PTPN12: variants seen among roughly 807,000 people sequenced by gnomAD.
PTPN12 encodes tyrosine-protein phosphatase non-receptor type 12.
In PTPN12, 29 loss-of-function variants were observed where a neutral mutation model predicts 97.6. That is an observed-to-expected ratio of 0.30 (90% CI 0.22 to 0.41). The LOEUF is 0.41. Ranked by LOEUF, PTPN12 falls within the 10% of genes least tolerant of loss-of-function variation. The probability of loss-of-function intolerance (pLI) is 1.00; values close to 1 mark genes in which losing one functional copy is unlikely to be tolerated. For synonymous variants in PTPN12, 327 were observed against 300.4 expected (o/e 1.09, Z -0.91); for missense variants, 819 against 926.0 (o/e 0.88, Z 1.50).
At chr7:77,595,193 TTTC>T (rs1787986294) in intron 6 of PTPN12, among the ~76,000 whole-genome samples, 1 of 152,230 alleles carries the variant, frequency 6.6e-6, no homozygotes, top group African/African-American at 2.4e-5. Context: ...GAAGAAATAT[TTTC>T]TTTGATAATT....
At chr7:77,570,350 AAT>A (rs1211771623) in intron 1 of PTPN12, among the ~76,000 whole-genome samples, 3 of 152,246 alleles carry the variant, frequency 2.0e-5, no homozygotes, top group African/African-American at 7.2e-5. Context: ...GAATGCTTTT[AAT>A]ATGTCTTGAG....
At chr7:77,574,862 C>G (rs1787288954) in intron 2 of PTPN12, among the ~76,000 whole-genome samples, 1 of 151,740 alleles carries the variant, frequency 6.6e-6, no homozygotes. Flanking sequence ...GACAGAATCT[C>G]ACTCTTGTCG....
intron 7 of PTPN12, among the ~76,000 whole-genome samples, chr7:77,598,428 C>T (rs553466718): frequency 6.6e-6 from 1 of 151,950 alleles, no homozygotes; most frequent in Non-Finnish European, 1.5e-5. Context: ...CTCCTGTAAT[C>T]CCCAACACTT....
chr7:77,540,298 C>T (rs1393050438), intron 1 of PTPN12, among the ~76,000 whole-genome samples: 1 of 149,498 alleles, frequency 6.7e-6, no homozygotes, highest in Non-Finnish European at 1.5e-5. Flanking sequence ...AGTGCAGTGG[C>T]TCAATCTCGG....
intron 2 of PTPN12, among the ~76,000 whole-genome samples, chr7:77,571,905 A>G (rs1562720001): frequency 6.6e-6 from 1 of 152,098 alleles, no homozygotes; most frequent in Non-Finnish European, 1.5e-5. Context: ...TTTAACTCTG[A>G]AAGTATACTT....
At chr7:77,613,915 G>A (rs1788661643) in intron 11 of PTPN12, among the ~76,000 whole-genome samples, 1 of 151,892 alleles carries the variant, frequency 6.6e-6, no homozygotes, top group Non-Finnish European at 1.5e-5. Flanking sequence ...TGTTTGAGAC[G>A]AGGTCTTGCT....
intron 1 of PTPN12, among the ~76,000 whole-genome samples, chr7:77,554,187 A>G (rs1032671955): frequency 1.3e-5 from 2 of 151,858 alleles, no homozygotes; most frequent in Non-Finnish European, 2.9e-5. Flanking sequence ...AGGCTGTCAA[A>G]CTCCTGGCCT....
intron 16 of PTPN12, among the ~76,000 whole-genome samples, chr7:77,637,559 A>C (rs1226091155): frequency 6.6e-6 from 1 of 152,162 alleles, no homozygotes; most frequent in Admixed American, 6.6e-5. Flanking sequence ...ATAAAACTTT[A>C]AAAGTGGAGT....
intron 14 of PTPN12, among the ~76,000 whole-genome samples, chr7:77,633,608 CAAAAA>C (rs113736018): frequency 7.5e-6 from 1 of 133,042 alleles, no homozygotes; most frequent in Non-Finnish European, 1.6e-5. Context: ...GACTCCATCT[CAAAAA>C]AAAAAAAAGT....
intron 4 of PTPN12, among the ~76,000 whole-genome samples, chr7:77,584,817 C>A (rs1355991364): frequency 6.6e-6 from 1 of 150,604 alleles, no homozygotes; most frequent in Non-Finnish European, 1.5e-5. Flanking sequence ...GCAGCGCTTG[C>A]AGTGAGCTGA....
At chr7:77,555,305 G>A (rs1233752441) in intron 1 of PTPN12, among the ~76,000 whole-genome samples, 1 of 150,726 alleles carries the variant, frequency 6.6e-6, no homozygotes, top group African/African-American at 2.4e-5. Flanking sequence ...TGAGCTGCTT[G>A]GATCTGTGGT....
At chr7:77,545,632 T>C (rs117301403) in intron 1 of PTPN12, 1 of 150,214 alleles carries the variant, frequency 6.7e-6, no homozygotes, top group Non-Finnish European at 1.5e-5. Context: ...TTTTAATAAT[T>C]AAAAAAAAAT....
intron 1 of PTPN12, among the ~76,000 whole-genome samples, chr7:77,569,320 T>C (rs1584122001): frequency 6.6e-6 from 1 of 152,324 alleles, no homozygotes; most frequent in East Asian, 1.9e-4. Flanking sequence ...TTTACATTTA[T>C]ACTTAATATG....
chr7:77,586,283 T>A (rs1425032402), intron 5 of PTPN12, among the ~76,000 whole-genome samples: 1 of 152,156 alleles, frequency 6.6e-6, no homozygotes, highest in African/African-American at 2.4e-5. Context: ...AATAATTTAT[T>A]GCTAAAAAAT....
chr7:77,625,568 T>C (rs1789147041), intron 12 of PTPN12, among the ~76,000 whole-genome samples: 3 of 92,528 alleles, frequency 3.2e-5, no homozygotes, highest in Non-Finnish European at 6.1e-5. Flanking sequence ...TCTCTCTCTT[T>C]TTTTTTTTTT....
At chr7:77,575,677 A>G (rs959505233) in intron 2 of PTPN12, among the ~76,000 whole-genome samples, 1 of 152,228 alleles carries the variant, frequency 6.6e-6, no homozygotes, top group Non-Finnish European at 1.5e-5. Flanking sequence ...GTAAATTTAT[A>G]GAGTTTTGCA....
chr7:77,623,951 A>G (rs1789038209), intron 12 of PTPN12, among the ~76,000 whole-genome samples: 2 of 152,110 alleles, frequency 1.3e-5, no homozygotes, highest in South Asian at 4.1e-4. Context: ...TTTGACAGCC[A>G]CTCTTTCAGA....
At chr7:77,604,730 AG>A (rs1287259832) in intron 8 of PTPN12, 1 of 191,104 alleles carries the variant, frequency 5.2e-6, no homozygotes, top group Non-Finnish European at 1.1e-5. Flanking sequence ...ATATATTTTT[AG>A]TACTTTCATA....
intron 6 of PTPN12, among the ~76,000 whole-genome samples, chr7:77,597,363 TC>T (rs1037156078): frequency 6.6e-6 from 1 of 152,180 alleles, no homozygotes; most frequent in African/African-American, 2.4e-5. Flanking sequence ...CCTCAAGTGA[TC>T]CACCTGCCTC....
Sources: allele counts gnomAD v4.1 joint callset (sites outside exome capture counted in the v4.1 genomes callset), GRCh38; gene constraint gnomAD v4.1.1; transcripts MANE v1.5; gene names NCBI Gene and HGNC (gene_info 2026-07-23, HGNC 2026-07-21).